Variants in CEP128 observed in about 807,000 individuals in gnomAD.
CEP128 encodes centrosomal protein 128kDa.
Under a neutral mutation model 156.7 loss-of-function variants are expected in CEP128, and 132 were observed. The observed-to-expected ratio is 0.84, with a 90% CI of 0.73 to 0.97. The LOEUF (loss-of-function observed/expected upper bound fraction) is 0.97. CEP128 is among the 50% of genes least tolerant of loss of function. The probability of loss-of-function intolerance (pLI) is 0.00; values close to 1 mark genes in which losing one functional copy is unlikely to be tolerated. For synonymous variants in CEP128, 469 were observed against 448.9 expected (o/e 1.04, Z -0.57); for missense variants, 1,252 against 1,281.9 (o/e 0.98, Z 0.36).
At chr14:80,690,829 T>C (rs935013812) in intron 19 of CEP128, among the ~76,000 whole-genome samples, 2 of 152,176 alleles carry the variant, frequency 1.3e-5, no homozygotes, top group African/African-American at 4.8e-5. Context: ...CTAAATATGA[T>C]GATTTAATAG....
chr14:80,812,574 GTTGT>G (rs200567529), intron 13 of CEP128, among the ~76,000 whole-genome samples: 1,778 of 151,984 alleles, frequency 0.012, 47 homozygotes, highest in African/African-American at 0.041. Context: ...TGTTGTTGTT[GTTGT>G]TTGTTTTTGA....
chr14:80,889,265 A>G (rs535591249), intron 8 of CEP128, among the ~76,000 whole-genome samples: 2 of 152,340 alleles, frequency 1.3e-5, no homozygotes, highest in East Asian at 1.9e-4. Context: ...TCTTCACAGA[A>G]TTAGAAAAAC....
At chr14:80,677,508 C>CAAAAAAAAAAAAAA (rs57636757) in intron 19 of CEP128, among the ~76,000 whole-genome samples, 6 of 94,062 alleles carry the variant, frequency 6.4e-5, no homozygotes, top group African/African-American at 2.1e-4. Flanking sequence ...GACTCCGTCT[C>CAAAAAAAAAAAAAA]AAAAAAAAAA....
chr14:80,850,413 A>T (rs1886832122), intron 9 of CEP128, among the ~76,000 whole-genome samples: 1 of 152,212 alleles, frequency 6.6e-6, no homozygotes. Flanking sequence ...AATACTGACG[A>T]CTAGTGGTCA....
intron 23 of CEP128, among the ~76,000 whole-genome samples, chr14:80,512,682 T>C (rs12886279): frequency 3.3e-5 from 5 of 151,984 alleles, no homozygotes; most frequent in Non-Finnish European, 7.4e-5. Flanking sequence ...TCTTCCTTTT[T>C]GTAAAACTCT....
chr14:80,866,559 C>A (rs1040483246), intron 8 of CEP128, among the ~76,000 whole-genome samples: 2 of 152,144 alleles, frequency 1.3e-5, no homozygotes, highest in African/African-American at 4.8e-5. Context: ...CAAAAAGATA[C>A]CAGCAGCAAA....
chr14:80,539,874 C>G (rs112404043), intron 21 of CEP128, among the ~76,000 whole-genome samples: 2,706 of 152,042 alleles, frequency 0.018, 78 homozygotes, highest in African/African-American at 0.062. Context: ...GAATGTCTGT[C>G]TTATGTGGTT....
At chr14:80,626,278 C>G (rs936112017) in intron 19 of CEP128, among the ~76,000 whole-genome samples, 3 of 151,256 alleles carry the variant, frequency 2.0e-5, no homozygotes, top group Admixed American at 6.6e-5. Context: ...TCCTGGCTAA[C>G]AAGGTGAAAC....
rs75767703 is a variant in CEP128 at position 80,728,466 on chromosome 14, G to T, written c.2806+14609C>A. On this transcript the variant is annotated intron_variant, in intron 19 of 24. Coordinates refer to ENST00000555265, the MANE Select transcript of CEP128 (RefSeq NM_152446.5). ...TTTGTATACTAAACCCCAGTGGCAC[G>T]CTATTTAGTCATATAACAAATCTGC... is the stretch of plus-strand genomic sequence containing the variant. 1.6e-3 allele frequency among the ~76,000 whole-genome samples: 250 copies of T among 151,872 alleles called. 2 individuals are homozygous for T. The highest frequency in any genetic ancestry group is 5.5e-3 in the African/African-American group (228 of 41,410).
intron 19 of CEP128, among the ~76,000 whole-genome samples, chr14:80,711,433 G>T (rs764636222): frequency 6.6e-6 from 1 of 151,604 alleles, no homozygotes; most frequent in Non-Finnish European, 1.5e-5. Flanking sequence ...ACATACATAA[G>T]AAAGAGGCTA....
intron 4 of CEP128, among the ~76,000 whole-genome samples, chr14:80,906,498 A>T (rs578173122): frequency 1.3e-5 from 2 of 152,278 alleles, no homozygotes; most frequent in African/African-American, 4.8e-5. Flanking sequence ...AACAAATAGG[A>T]AACTAAACAG....
chr14:80,744,545 G>C (rs192063910), intron 18 of CEP128, among the ~76,000 whole-genome samples: 13 of 152,204 alleles, frequency 8.5e-5, no homozygotes, highest in African/African-American at 3.1e-4. Context: ...AGCAAATGAA[G>C]AAACATTTAT....
intron 23 of CEP128, among the ~76,000 whole-genome samples, chr14:80,505,434 C>T (rs1441568380): frequency 6.6e-6 from 1 of 152,158 alleles, no homozygotes; most frequent in Non-Finnish European, 1.5e-5. Flanking sequence ...CAATGTTTTA[C>T]TCATATACAT....
At chr14:80,518,463 T>C (rs77601725) in intron 23 of CEP128, among the ~76,000 whole-genome samples, 10,501 of 152,228 alleles carry the variant, frequency 0.069, 645 homozygotes, top group African/African-American at 0.16. Context: ...GGAAGTATTC[T>C]ATAAACGTCA....
chr14:80,929,112 TG>T (rs1407371754), intron 2 of CEP128, among the ~76,000 whole-genome samples: 1 of 150,614 alleles, frequency 6.6e-6, no homozygotes, highest in Non-Finnish European at 1.5e-5. Flanking sequence ...CCAACAAACA[TG>T]AAAAAAAATG....
At chr14:80,676,859 G>T (rs1391206438) in intron 19 of CEP128, among the ~76,000 whole-genome samples, 1 of 152,100 alleles carries the variant, frequency 6.6e-6, no homozygotes, top group Non-Finnish European at 1.5e-5. Context: ...TATATTTGCA[G>T]ATCTGGGACA....
intron 8 of CEP128, among the ~76,000 whole-genome samples, chr14:80,883,553 G>C (rs72693028): frequency 1.3e-5 from 2 of 151,854 alleles, no homozygotes; most frequent in Admixed American, 1.3e-4. Context: ...GATCTCTACA[G>C]TGAAAACTAT....
At chr14:80,750,367 C>A (rs1275588442) in intron 18 of CEP128, among the ~76,000 whole-genome samples, 1 of 151,660 alleles carries the variant, frequency 6.6e-6, no homozygotes, top group African/African-American at 2.4e-5. Context: ...TCATCTCCAA[C>A]TGTTTTCCGC....
chr14:80,814,220 T>G (rs927248290), intron 13 of CEP128, among the ~76,000 whole-genome samples: 1 of 152,204 alleles, frequency 6.6e-6, no homozygotes, highest in African/African-American at 2.4e-5. Context: ...GTATTTTCTC[T>G]TCAAATATTG....
Sources: allele counts gnomAD v4.1 joint callset (sites outside exome capture counted in the v4.1 genomes callset), GRCh38; gene constraint gnomAD v4.1.1; transcripts MANE v1.5; gene names NCBI Gene and HGNC (gene_info 2026-07-23, HGNC 2026-07-21).